The following EFCAB13 variants were observed in gnomAD, a reference collection of about 807,000 sequenced individuals.
The protein encoded by EFCAB13 is EF-hand calcium-binding domain-containing protein 13.
Under a neutral mutation model 110.2 loss-of-function variants are expected in EFCAB13, and 91 were observed. The ratio of observed to expected loss-of-function variants is 0.83; its 90% CI spans 0.70 to 0.98. EFCAB13 has a LOEUF of 0.98. EFCAB13 is among the 50% of genes least tolerant of loss of function. The pLI is 0.00. For missense variants in EFCAB13, 968 were observed against 1,119.4 expected, an observed-to-expected ratio of 0.86 and a Z score of 1.93; for synonymous variants, 323 against 369.9, an observed-to-expected ratio of 0.87 and a Z score of 1.45.
chr17:47,400,699 C>T (rs1409578946), intron 17 of EFCAB13, among the ~76,000 whole-genome samples: 1 of 151,470 alleles, frequency 6.6e-6, no homozygotes, highest in Non-Finnish European at 1.5e-5. Flanking sequence ...CCTTCCCTTC[C>T]CTTCCCTTCC....
chr17:47,383,018 G>A (rs1218035030), intron 14 of EFCAB13, among the ~76,000 whole-genome samples: 1 of 152,146 alleles, frequency 6.6e-6, no homozygotes, highest in Non-Finnish European at 1.5e-5. Flanking sequence ...TTGGGAGGGT[G>A]TATGTGTCCA....
chr17:47,348,114 A>G (rs1484675530), intron 9 of EFCAB13, among the ~76,000 whole-genome samples, 163 bp downstream of exon 9: 2 of 151,954 alleles, frequency 1.3e-5, no homozygotes, highest in South Asian at 2.1e-4. Context: ...TTACAAGAAC[A>G]TTACTTACAA....
chr17:47,433,931 T>A (rs1905164446), intron 24 of EFCAB13, among the ~76,000 whole-genome samples: 1 of 152,150 alleles, frequency 6.6e-6, no homozygotes, highest in African/African-American at 2.4e-5. Context: ...GACAAAATGA[T>A]ATAAAATCCT....
At chr17:47,393,976 A>T in intron 15 of EFCAB13, 49 bp from the exon 16 acceptor site, 1 of 1,045,570 alleles carries the variant, frequency 9.6e-7, no homozygotes, top group Admixed American at 2.4e-5. Context: ...AATATTTTTC[A>T]TAATAATACT....
intron 15 of EFCAB13, among the ~76,000 whole-genome samples, chr17:47,392,655 C>T (rs2065714346): frequency 6.6e-6 from 1 of 151,954 alleles, no homozygotes. Flanking sequence ...AAAGAAGGAC[C>T]ATTTAATAAA....
rs1409894115 is a variant in EFCAB13, at chr17:47,345,052, A to G, written c.471A>G (p.Leu157=). The G allele has an allele frequency of 2.5e-6, 4 of 1,607,288 alleles. No individual in the cohort carries two copies. The highest frequency in any genetic ancestry group is 1.1e-5 in the South Asian group (1 of 89,470). ...KEMLSNLYMT[L]YDEVTHGYLH... ...TGCTGTCTAACCTCTACATGACATT[A>G]TATGATGAAGTAACCCATGGATATT... Residue 157 remains leucine (L), a synonymous_variant, in exon 8 of 25, where the codon TTA becomes TTG. Coordinates refer to ENST00000331493, the MANE Select transcript of EFCAB13 (RefSeq NM_152347.5).
At chr17:47,424,810 C>T (rs1312565198) in intron 23 of EFCAB13, among the ~76,000 whole-genome samples, 2 of 150,800 alleles carry the variant, frequency 1.3e-5, no homozygotes, top group Admixed American at 1.3e-4. Context: ...ATTCTCATAC[C>T]ACCAATCCTG....
intron 14 of EFCAB13, among the ~76,000 whole-genome samples, chr17:47,387,418 C>CTGAGAA (rs1318155484): frequency 6.6e-6 from 1 of 152,192 alleles, no homozygotes; most frequent in Non-Finnish European, 1.5e-5. Context: ...AAGTCCTCTA[C>CTGAGAA]TAGGATTGCA....
chr17:47,390,918 A>G (rs575086872), intron 14 of EFCAB13, among the ~76,000 whole-genome samples: 2 of 149,774 alleles, frequency 1.3e-5, no homozygotes, highest in East Asian at 2.0e-4. Context: ...CTGTCTGTCT[A>G]TCTATCTATC....
chr17:47,362,451 C>T (rs916736274), intron 10 of EFCAB13, among the ~76,000 whole-genome samples: 1 of 152,160 alleles, frequency 6.6e-6, no homozygotes, highest in African/African-American at 2.4e-5. Flanking sequence ...GCGGTAGCGT[C>T]AGTGTCAAGG....
At chr17:47,380,500 TTCC>T (rs2065641196) in intron 14 of EFCAB13, among the ~76,000 whole-genome samples, 1 of 152,224 alleles carries the variant, frequency 6.6e-6, no homozygotes, top group Non-Finnish European at 1.5e-5. Flanking sequence ...TTTGGGTTGG[TTCC>T]AAGTCTTTGC....
At chr17:47,351,163 C>T (rs1296635410) in intron 9 of EFCAB13, among the ~76,000 whole-genome samples, 1 of 152,034 alleles carries the variant, frequency 6.6e-6, no homozygotes, top group African/African-American at 2.4e-5. Context: ...CTATAAATGG[C>T]TTTCATTATC....
At chr17:47,399,951 G>C (rs975435388) in intron 17 of EFCAB13, among the ~76,000 whole-genome samples, 1 of 152,296 alleles carries the variant, frequency 6.6e-6, no homozygotes, top group South Asian at 2.1e-4. Flanking sequence ...ATGGAAAATG[G>C]TCAAGGTGAA....
intron 15 of EFCAB13, 145 bp downstream of exon 15, chr17:47,391,725 G>C: frequency 1.5e-6 from 1 of 675,794 alleles, no homozygotes. Context: ...ATACTCAAAA[G>C]TACAAGAAAA....
At chr17:47,332,587 C>T (rs2065325902) in intron 4 of EFCAB13, among the ~76,000 whole-genome samples, 2 of 151,512 alleles carry the variant, frequency 1.3e-5, no homozygotes, top group Non-Finnish European at 2.9e-5. Context: ...CACCCCCCAG[C>T]CTCTGATAAC....
rs1338941789 is a variant in EFCAB13 at position 47,431,759 on chromosome 17, C to T, written c.2638+1798C>T. On this transcript the variant is annotated intron_variant, in intron 24 of 24. Transcript: ENST00000331493. This position sits in a 1 kb window ranked among gnomAD's most constrained non-coding sequence, Gnocchi z 4.1. The stretch of plus-strand genomic sequence containing the variant: ...TGCAGTTGGGTTGGGTGAGAGTGTT[C>T]TATATATTAGATCAGATTTATTGTC... Among the ~76,000 whole-genome samples, 2 of 151,960 alleles carry T rather than the reference C, an allele frequency of 1.3e-5. No homozygotes were observed. The highest frequency in any genetic ancestry group is 2.9e-5 in the Non-Finnish European group (2 of 67,994).
At chr17:47,399,358 T>C (rs2065767078) in intron 17 of EFCAB13, among the ~76,000 whole-genome samples, 2 of 152,228 alleles carry the variant, frequency 1.3e-5, no homozygotes, top group African/African-American at 2.4e-5. Flanking sequence ...CATTGTGCAC[T>C]TAGTACAAAG....
intron 9 of EFCAB13, among the ~76,000 whole-genome samples, chr17:47,357,387 C>T (rs1454981525): frequency 2.0e-5 from 3 of 152,120 alleles, no homozygotes; most frequent in Non-Finnish European, 2.9e-5. Flanking sequence ...TTTTTCAAGT[C>T]CTGGTTTCCT....
chr17:47,370,719 T>G (rs1056964804), intron 11 of EFCAB13, among the ~76,000 whole-genome samples: 1 of 150,916 alleles, frequency 6.6e-6, no homozygotes, highest in African/African-American at 2.4e-5. Context: ...TGCCCAGTTT[T>G]TTGTTGTTGT....
Sources: gnomAD v4.1 joint callset for allele counts (sites outside exome capture counted in the v4.1 genomes callset) on GRCh38, gnomAD v4.1.1 for gene constraint, Gnocchi (gnomAD v3.1) non-coding constraint, MANE v1.5 for transcripts, NCBI Gene and HGNC (gene_info 2026-07-23, HGNC 2026-07-21) for gene names.